Variants in BMP7 observed in about 807,000 individuals in gnomAD.
BMP7 encodes osteogenic protein 1.
Under a neutral mutation model 41.2 loss-of-function variants are expected in BMP7, and 12 were observed. That is an observed-to-expected ratio of 0.29 (90% CI 0.19 to 0.47). The LOEUF (loss-of-function observed/expected upper bound fraction) is 0.47, where lower values mean the gene tolerates loss of function less well. Ranked by LOEUF, BMP7 falls within the 20% of genes least tolerant of loss-of-function variation. The pLI is 0.99. For synonymous variants in BMP7, 248 were observed against 250.0 expected, an observed-to-expected ratio of 0.99 and a Z score of 0.07; for missense variants, 467 against 606.0, an observed-to-expected ratio of 0.77 and a Z score of 2.41.
chr20:57,210,977 C>T (rs1180601833), intron 2 of BMP7, among the ~76,000 whole-genome samples: 2 of 152,250 alleles, frequency 1.3e-5, no homozygotes, highest in Admixed American at 6.5e-5. Context: ...CTCGCCATCA[C>T]AGCCTGAGAG....
intron 1 of BMP7, among the ~76,000 whole-genome samples, chr20:57,250,045 T>A (rs1330576307): frequency 6.6e-6 from 1 of 152,208 alleles, no homozygotes; most frequent in African/African-American, 2.4e-5. Flanking sequence ...GCGAGTAATT[T>A]GTCATTCCTG....
rs1447232010 is a variant in BMP7, at chr20:57,213,075, G to C, written c.612-10452C>G. On this transcript the variant is annotated intron_variant, in intron 2 of 6. Transcript: ENST00000395863. This position sits in a 1 kb window ranked among gnomAD's most constrained non-coding sequence, Gnocchi z 4.4. The stretch of plus-strand genomic sequence containing the variant: ...GGAGTAAGGTGGAAAAATACACAAA[G>C]AGGCACAATATCCTCCTGCCCCAGA... Among the ~76,000 whole-genome samples, 2 of 152,244 alleles carry C rather than the reference G, an allele frequency of 1.3e-5. No individual in the cohort carries two copies. The highest frequency in any genetic ancestry group is 2.9e-5 in the Non-Finnish European group (2 of 68,050).
chr20:57,226,972 G>T (rs889115231), intron 2 of BMP7, among the ~76,000 whole-genome samples: 7 of 151,784 alleles, frequency 4.6e-5, no homozygotes, highest in Non-Finnish European at 8.8e-5. Flanking sequence ...GATTACAGGC[G>T]CCCGCCACCA....
chr20:57,186,063 C>G (rs1193537261), intron 3 of BMP7, among the ~76,000 whole-genome samples: 1 of 152,216 alleles, frequency 6.6e-6, no homozygotes, highest in African/African-American at 2.4e-5. Flanking sequence ...TCAATAAATG[C>G]TAGCTCAGGG....
intron 3 of BMP7, among the ~76,000 whole-genome samples, chr20:57,188,171 T>A (rs937560866): frequency 6.6e-6 from 1 of 152,164 alleles, no homozygotes; most frequent in African/African-American, 2.4e-5. Context: ...GCAGCATTAT[T>A]TATGATGGCC....
intron 2 of BMP7, among the ~76,000 whole-genome samples, chr20:57,209,424 G>A (rs1368292599): frequency 1.3e-5 from 2 of 151,690 alleles, no homozygotes; most frequent in Admixed American, 6.6e-5. Context: ...CAGCCTGAGT[G>A]ACAGAGCGAG....
Position 57,174,675 on chromosome 20 carries a change from T to C in BMP7, c.1035+256A>G, listed in dbSNP as rs899975593. ...AGCCAGCCAAGGGATGGGAATGAGGTGCATGCAGAGAATGGGGTTCAGAGT... is the reference window on the plus strand; with the variant it reads ...AGCCAGCCAAGGGATGGGAATGAGGCGCATGCAGAGAATGGGGTTCAGAGT... On this transcript the variant is annotated intron_variant, in intron 5 of 6. Transcript: ENST00000395863. The surrounding 1 kb of genome is among the most constrained non-coding windows in gnomAD (Gnocchi z 4.3). Among the ~76,000 whole-genome samples, 1 of 152,064 alleles carries C rather than the reference T, an allele frequency of 6.6e-6. No homozygotes were observed. The highest frequency in any genetic ancestry group is 1.5e-5 in the Non-Finnish European group (1 of 68,018).
At chr20:57,199,479 A>G (rs1416210716) in intron 3 of BMP7, among the ~76,000 whole-genome samples, 1 of 152,160 alleles carries the variant, frequency 6.6e-6, no homozygotes, top group Non-Finnish European at 1.5e-5. Context: ...CACGGAAACA[A>G]AACCACATGT....
At chr20:57,222,254 G>A (rs1345057971) in intron 2 of BMP7, among the ~76,000 whole-genome samples, 1 of 152,144 alleles carries the variant, frequency 6.6e-6, no homozygotes, top group African/African-American at 2.4e-5. Flanking sequence ...GTGAAGCCAG[G>A]CTCGGGATGA....
At position 57,191,645 on chromosome 20, in the gene BMP7, G is replaced by A. The variant is rs150498722; in HGVS notation, c.761-7726C>T. Among the ~76,000 whole-genome samples the A allele has an allele frequency of 2.7e-3, 405 of 151,208 alleles. 2 individuals are homozygous for A. The highest frequency in any genetic ancestry group is 8.9e-3 in the African/African-American group (366 of 41,172). ...CTTGGGAGGCTGAGGCACAAGAATCGCTTGAACCCGGGAGACAGAGGTTGC... is the reference window on the plus strand; with the variant it reads ...CTTGGGAGGCTGAGGCACAAGAATCACTTGAACCCGGGAGACAGAGGTTGC... On this transcript the variant is annotated intron_variant, in intron 3 of 6. Coordinates refer to ENST00000395863, the MANE Select transcript of BMP7 (RefSeq NM_001719.3).
At chr20:57,232,437 C>T (rs893213826) in intron 1 of BMP7, among the ~76,000 whole-genome samples, 2 of 151,972 alleles carry the variant, frequency 1.3e-5, no homozygotes, top group African/African-American at 4.8e-5. Flanking sequence ...TGCAATAGAC[C>T]GAACAATAAA....
intron 4 of BMP7, among the ~76,000 whole-genome samples, chr20:57,175,721 C>T (rs1189246962): frequency 6.6e-6 from 1 of 152,188 alleles, no homozygotes; most frequent in Admixed American, 6.5e-5. Context: ...ACCTTCCTTC[C>T]ACCCCACAAC....
intron 3 of BMP7, among the ~76,000 whole-genome samples, chr20:57,193,901 G>A (rs937861857): frequency 1.2e-4 from 18 of 152,200 alleles, no homozygotes; most frequent in Admixed American, 5.9e-4. Context: ...CCTTTGCTCC[G>A]ATGGTCCAGA....
At chr20:57,236,977 T>A (rs372353007) in intron 1 of BMP7, among the ~76,000 whole-genome samples, 2 of 152,108 alleles carry the variant, frequency 1.3e-5, no homozygotes, top group Admixed American at 6.5e-5. Flanking sequence ...CAGAAAAAAT[T>A]TGGTTAACCT....
chr20:57,226,824 C>CTTTTTTTT (rs36113686), intron 2 of BMP7, among the ~76,000 whole-genome samples: 2 of 123,184 alleles, frequency 1.6e-5, no homozygotes, highest in African/African-American at 3.2e-5. Flanking sequence ...TACTCAAAAA[C>CTTTTTTTT]TTTTTTTTTT....
chr20:57,265,567 G>A (rs2066173365), intron 1 of BMP7, 138 bp downstream of exon 1: 2 of 1,364,568 alleles, frequency 1.5e-6, no homozygotes, highest in African/African-American at 1.4e-5. Flanking sequence ...GGCTGTGGGT[G>A]GGAGACCCTC....
intron 2 of BMP7, among the ~76,000 whole-genome samples, chr20:57,227,647 T>TCCC (rs1374102698): frequency 9.2e-5 from 14 of 152,296 alleles, no homozygotes; most frequent in Middle Eastern, 3.4e-3. Flanking sequence ...ACTGTCTGAA[T>TCCC]AGAATGCACC....
At chr20:57,212,679 G>A (rs1984921377) in intron 2 of BMP7, among the ~76,000 whole-genome samples, 1 of 152,254 alleles carries the variant, frequency 6.6e-6, no homozygotes, top group South Asian at 2.1e-4. Flanking sequence ...GCACAGGCTT[G>A]CGGCTGCGGT....
chr20:57,201,190 A>G (rs147864077), intron 3 of BMP7, among the ~76,000 whole-genome samples: 42 of 152,358 alleles, frequency 2.8e-4, no homozygotes, highest in Non-Finnish European at 4.3e-4. Context: ...CACTATTTTT[A>G]AAAACTCTTC....
Sources: allele counts gnomAD v4.1 joint callset (sites outside exome capture counted in the v4.1 genomes callset), GRCh38; gene constraint gnomAD v4.1.1; non-coding constraint Gnocchi (gnomAD v3.1); transcripts MANE v1.5; gene names NCBI Gene and HGNC (gene_info 2026-07-23, HGNC 2026-07-21).